SCRT2: variants seen among roughly 807,000 people sequenced by gnomAD.
SCRT2 encodes transcriptional repressor scratch 2.
A neutral mutation model predicts 3.7 loss-of-function variants in SCRT2; 2 were observed. The observed-to-expected ratio is 0.54, with a 90% confidence interval of 0.22 to 1.70. The LOEUF is 1.70. Ranked by LOEUF, SCRT2 falls within the 40% of genes most tolerant of loss-of-function variation. The pLI, the probability that SCRT2 is intolerant of heterozygous loss-of-function variation, is 0.19. For missense variants in SCRT2, 456 were observed against 468.5 expected (o/e 0.97, Z 0.25); for synonymous variants, 256 against 220.6 (o/e 1.16, Z -1.42).
intron 1 of SCRT2, among the ~76,000 whole-genome samples, chr20:669,553 G>C (rs1317415620): frequency 6.6e-6 from 1 of 152,220 alleles, no homozygotes; most frequent in African/African-American, 2.4e-5. Context: ...CAGGGGCCTG[G>C]TGGGGGGCCA....
intron 1 of SCRT2, among the ~76,000 whole-genome samples, chr20:674,405 A>T (rs879273319): frequency 0.072 from 1,907 of 26,650 alleles, 23 homozygotes; most frequent in Non-Finnish European, 0.19. Context: ...TCTCTCACAC[A>T]CACACACACA....
At chr20:668,413 A>T (rs1361090420) in intron 1 of SCRT2, among the ~76,000 whole-genome samples, 1 of 152,206 alleles carries the variant, frequency 6.6e-6, no homozygotes, top group African/African-American at 2.4e-5. Context: ...CCTATCCTGC[A>T]ACTGACAGGG....
In SCRT2 at chr20:665,483, A is replaced by C. The variant is rs6085328; in HGVS notation, c.134-1022T>G. 6.6e-6 allele frequency among the ~76,000 whole-genome samples: 1 copy of C among 151,938 alleles called. No homozygotes were observed. Among genetic ancestry groups the C allele is most frequent in the South Asian group, 2.1e-4 (1 of 4,826 alleles). ...GAATTCCCCTCCCCCTCCTCCTCCC[A>C]CTTAGCTGGAGTTGGACCAGGAATC... On this transcript the variant is annotated intron_variant, in intron 1 of 1. Transcript: ENST00000246104. The surrounding 1 kb of genome is among the most constrained non-coding windows in gnomAD (Gnocchi z 5.0).
Position 675,761 on chromosome 20 carries a change from CTT to C in SCRT2, c.-162_-161del. On this transcript the variant is annotated 5_prime_UTR_variant, in exon 1 of 2. Coordinates refer to ENST00000246104, the MANE Select transcript of SCRT2 (RefSeq NM_033129.4). This position sits in a 1 kb window ranked among gnomAD's most constrained non-coding sequence, Gnocchi z 6.9. Reference sequence around the variant, plus strand: ...GCGGCGGCCCCGGCTCGGGCTCGGGCTTGGCGGCGGCGGCGCGCAGACAGGGG... The same window carrying C: ...GCGGCGGCCCCGGCTCGGGCTCGGGCGGCGGCGGCGGCGCGCAGACAGGGG... 5 of 292,724 alleles carry C rather than the reference CTT, an allele frequency of 1.7e-5. No homozygotes were observed. Among genetic ancestry groups the C allele is most frequent in the Non-Finnish European group, 2.8e-5 (5 of 180,038 alleles). The allele number at this position is 292,724 out of a possible 1,614,324, so 18.1% of individuals were successfully genotyped here.
In SCRT2 at chr20:664,540, C is replaced by G; in HGVS notation, c.134-79G>C. The G allele has an allele frequency of 1.9e-6, 2 of 1,067,770 alleles. No homozygotes were observed. The highest frequency in any genetic ancestry group is 2.4e-6 in the Non-Finnish European group (2 of 837,008). 66.1% of individuals were successfully genotyped at this position (1,067,770 alleles called of 1,614,324 possible). A position where few individuals can be genotyped will look rare whatever the true frequency, so the allele number is the denominator to read the frequency against. ...CCCGCTTTGAGCGCGTCACCCTTTGCGCCTTCCAGCTTGGCGCCCCTGTGG... is the reference window on the plus strand; with the variant it reads ...CCCGCTTTGAGCGCGTCACCCTTTGGGCCTTCCAGCTTGGCGCCCCTGTGG... On this transcript the variant is annotated intron_variant, in intron 1 of 1. Transcript: ENST00000246104. This position sits in a 1 kb window ranked among gnomAD's most constrained non-coding sequence, Gnocchi z 7.9.
Position 664,220 on chromosome 20 carries a change from G to T in SCRT2, c.375C>A (p.Gly125=), listed in dbSNP as rs1464384784. 2.2e-6 allele frequency: 2 copies of T among 920,250 alleles called. No homozygotes were observed. Among genetic ancestry groups the T allele is most frequent in the Non-Finnish European group, 2.9e-6 (2 of 693,478 alleles). The allele number at this position is 920,250 out of a possible 1,614,324, so 57.0% of individuals were successfully genotyped here. A position where few individuals can be genotyped will look rare whatever the true frequency, so the allele number is the denominator to read the frequency against. Residue 125 remains glycine, a synonymous_variant, in exon 2 of 2, where the codon GGC becomes GGA. Coordinates refer to ENST00000246104, the MANE Select transcript of SCRT2 (RefSeq NM_033129.4). This position sits in a 1 kb window ranked among gnomAD's most constrained non-coding sequence, Gnocchi z 7.9. ...CTCCCGAGCCCCCCGCGTCCCCGCC[G>T]CCCCCGCCCCGCCGCCGCCGCGAGC... ...DGRSRRRRGG[G]GGDAGGSGDA...
intron 1 of SCRT2, among the ~76,000 whole-genome samples, chr20:674,688 AGT>A (rs759385819): frequency 0.055 from 7,048 of 129,222 alleles, 134 homozygotes; most frequent in African/African-American, 0.076. Context: ...GAAGAGATGG[AGT>A]GTGTGTGTGT....
intron 1 of SCRT2, among the ~76,000 whole-genome samples, chr20:670,459 CG>C (rs58136086): frequency 0.28 from 41,954 of 152,136 alleles, 6,938 homozygotes; most frequent in Non-Finnish European, 0.35. Context: ...CCAAGAGGCC[CG>C]AGGGACCCCA....
Position 664,383 on chromosome 20 carries a change from G to A in SCRT2, c.212C>T (p.Pro71Leu). 2.1e-6 allele frequency: 3 copies of A among 1,419,242 alleles called. No homozygotes were observed. The highest frequency in any genetic ancestry group is 2.9e-5 in the East Asian group (1 of 34,574). 87.9% of individuals were successfully genotyped at this position (1,419,242 alleles called of 1,614,324 possible). ...CTCCGGCGCCGCCGGCGGGTACGCGGGCTCGGCCGGGGCCAGCTCCAGGCC... is the reference window on the plus strand; with the variant it reads ...CTCCGGCGCCGCCGGCGGGTACGCGAGCTCGGCCGGGGCCAGCTCCAGGCC... ...KPGLELAPAE[P>L]AYPPAAPEEY... is the part of the protein sequence containing the mutation. The change falls in exon 2 of 2, where the codon CCC (proline) becomes CTC (leucine). Residue 71 changes from proline to leucine, a missense_variant. Pro to Leu is a moderately conservative substitution (Grantham distance 98, BLOSUM62 -3). Around this residue, in one of 3 missense-constraint regions of SCRT2, gnomAD observed 306 missense variants for 305.3 expected, o/e 1.00. Transcript: ENST00000246104. This position sits in a 1 kb window ranked among gnomAD's most constrained non-coding sequence, Gnocchi z 7.9.
In SCRT2 at chr20:663,714, G is replaced by A; in HGVS notation, c.881C>T (p.Ala294Val). ...HKHCEAACAK[A>V]AEPPPPTPAG... ...GGGGGTCGGCGGGGGTGGCTCGGCCGCCTTGGCGCAGGCCGCCTCGCAGTG... is the reference window on the plus strand; with the variant it reads ...GGGGGTCGGCGGGGGTGGCTCGGCCACCTTGGCGCAGGCCGCCTCGCAGTG... The change falls in exon 2 of 2, where the codon GCG (alanine) becomes GTG (valine). Residue 294 changes from alanine to valine, a missense_variant. Ala to Val is a moderately conservative substitution (Grantham distance 64, BLOSUM62 0). Coordinates refer to ENST00000246104, the MANE Select transcript of SCRT2 (RefSeq NM_033129.4). This position sits in a 1 kb window ranked among gnomAD's most constrained non-coding sequence, Gnocchi z 6.9. 2 of 1,526,812 alleles carry A rather than the reference G, an allele frequency of 1.3e-6. No individual in the cohort carries two copies. The highest frequency in any genetic ancestry group is 1.4e-5 in the African/African-American group (1 of 71,604). The allele number at this position is 1,526,812 out of a possible 1,614,324, so 94.6% of individuals were successfully genotyped here. A position where few individuals can be genotyped will look rare whatever the true frequency, so the allele number is the denominator to read the frequency against.
At chr20:674,128 G>A (rs1003658802) in intron 1 of SCRT2, among the ~76,000 whole-genome samples, 1 of 152,140 alleles carries the variant, frequency 6.6e-6, no homozygotes, top group African/African-American at 2.4e-5. Flanking sequence ...GGCTGTAGCT[G>A]TATCCCTGAT....
rs754679201 is a variant in SCRT2, at chr20:666,870, ACAGATTC to A, written c.134-2416_134-2410del. Among the ~76,000 whole-genome samples the A allele has an allele frequency of 1.6e-4, 24 of 152,278 alleles. No individual in the cohort carries two copies. The highest frequency in any genetic ancestry group is 3.3e-4 in the Admixed American group (5 of 15,298). On this transcript the variant is annotated intron_variant, in intron 1 of 1. Transcript: ENST00000246104. The surrounding 1 kb of genome is among the most constrained non-coding windows in gnomAD (Gnocchi z 4.4). ...GGGAAGGGTGGTTTGGTTCTCCAAC[ACAGATTC>A]CAGCTGAGTGCCTTTGGGTGGGTTG...
intron 1 of SCRT2, among the ~76,000 whole-genome samples, chr20:674,122 G>A (rs1315897509): frequency 6.6e-6 from 1 of 152,158 alleles, no homozygotes; most frequent in Non-Finnish European, 1.5e-5. Context: ...ATGAGGGGCT[G>A]TAGCTGTATC....
intron 1 of SCRT2, among the ~76,000 whole-genome samples, chr20:674,542 TGTGATCCCCTTG>T (rs1276488291): frequency 6.6e-6 from 1 of 152,200 alleles, no homozygotes; most frequent in East Asian, 1.9e-4. Flanking sequence ...AGAACCCCTT[TGTGATCCCCTTG>T]GTGGAGGATG....
In SCRT2 at chr20:675,414, C is replaced by G; in HGVS notation, c.133+55G>C. 1 of 1,259,056 alleles carries G rather than the reference C, an allele frequency of 7.9e-7. No individual in the cohort carries two copies. The highest frequency in any genetic ancestry group is 1.0e-6 in the Non-Finnish European group (1 of 988,070). The allele number at this position is 1,259,056 out of a possible 1,614,324, so 78.0% of individuals were successfully genotyped here. ...CCTCGTGGCCCAAGCTGGGGAGGGC[C>G]CCAGCTCCCCTCGCCTCTTCTCCCA... On this transcript the variant is annotated intron_variant, in intron 1 of 1. Transcript: ENST00000246104. The surrounding 1 kb of genome is among the most constrained non-coding windows in gnomAD (Gnocchi z 6.9).
rs1328797600 is a variant in SCRT2 at position 667,550 on chromosome 20, T to A, written c.134-3089A>T. ...AAAATATCTGGTGCATAGTAGGAGC[T>A]CCATCAGTGAACCAGAGCGTTCTCC... On this transcript the variant is annotated intron_variant, in intron 1 of 1. Coordinates refer to ENST00000246104, the MANE Select transcript of SCRT2 (RefSeq NM_033129.4). This position sits in a 1 kb window ranked among gnomAD's most constrained non-coding sequence, Gnocchi z 4.4. Among the ~76,000 whole-genome samples the A allele has an allele frequency of 6.6e-6, 1 of 152,176 alleles. No homozygotes were observed. The highest frequency in any genetic ancestry group is 1.5e-5 in the Non-Finnish European group (1 of 68,024).
rs565322790 is a variant in SCRT2 at position 664,058 on chromosome 20, G to A, written c.537C>T (p.Ser179=). 1.9e-6 allele frequency: 3 copies of A among 1,611,666 alleles called. No individual in the cohort carries two copies. Among genetic ancestry groups the A allele is most frequent in the Non-Finnish European group, 2.5e-6 (3 of 1,179,570 alleles). ...NLSRHKQTHR[S]LDSQLARKCP... is the part of the protein sequence containing the mutation. The stretch of plus-strand genomic sequence containing the variant: ...ATTTGCGCGCCAGCTGGCTGTCCAG[G>A]CTGCGGTGCGTCTGCTTGTGGCGGC... The change falls in exon 2 of 2, where the codon AGC becomes AGT. Residue 179 remains serine, a synonymous_variant. Transcript: ENST00000246104. The surrounding 1 kb of genome is among the most constrained non-coding windows in gnomAD (Gnocchi z 7.9).
At position 675,621 on chromosome 20, in the gene SCRT2, T is replaced by C; in HGVS notation, c.-20A>G. 7.8e-7 allele frequency: 1 copy of C among 1,277,186 alleles called. No individual in the cohort carries two copies. The allele number at this position is 1,277,186 out of a possible 1,614,324, so 79.1% of individuals were successfully genotyped here. On this transcript the variant is annotated 5_prime_UTR_variant, in exon 1 of 2. Coordinates refer to ENST00000246104, the MANE Select transcript of SCRT2 (RefSeq NM_033129.4). This position sits in a 1 kb window ranked among gnomAD's most constrained non-coding sequence, Gnocchi z 6.9. ...CGGCATGGCGCGGCCGGCGCGGGGC[T>C]CGGTGCGGGGAGGCGGCCGGCCGGG...
intron 1 of SCRT2, among the ~76,000 whole-genome samples, chr20:669,541 G>A (rs901046686): frequency 3.9e-5 from 6 of 152,218 alleles, no homozygotes; most frequent in African/African-American, 1.4e-4. Context: ...GGCAGAAAAA[G>A]ACAGGGGCCT....
Sources: gnomAD v4.1 joint callset for allele counts (sites outside exome capture counted in the v4.1 genomes callset) on GRCh38, gnomAD v4.1.1 for gene constraint, gnomAD v4.1.1 regional missense constraint, Gnocchi (gnomAD v3.1) non-coding constraint, MANE v1.5 for transcripts, NCBI Gene and HGNC (gene_info 2026-07-23, HGNC 2026-07-21) for gene names.